Variants in RBFOX1 observed in about 807,000 individuals in gnomAD.
RBFOX1 encodes RNA binding fox-1 homolog 1, also known as RNA binding protein fox-1 homolog 1.
In RBFOX1, 8 loss-of-function variants were observed where a neutral mutation model predicts 57.7. That is an observed-to-expected ratio of 0.14 (90% CI 0.08 to 0.25). The LOEUF is 0.25. Ranked by LOEUF, RBFOX1 falls within the 10% of genes least tolerant of loss-of-function variation. RBFOX1 has a pLI of 1.00. For synonymous variants in RBFOX1, 326 were observed against 222.4 expected, an observed-to-expected ratio of 1.47 and a Z score of -4.15; for missense variants, 611 against 548.5, an observed-to-expected ratio of 1.11 and a Z score of -1.14.
chr16:7,301,287 G>A (rs1426786169), intron 4 of RBFOX1, among the ~76,000 whole-genome samples: 1 of 152,214 alleles, frequency 6.6e-6, no homozygotes, highest in African/African-American at 2.4e-5. Flanking sequence ...ATGGGAAGGG[G>A]ACTTGTCCCT....
At chr16:6,804,236 C>T (rs990728335) in intron 3 of RBFOX1, among the ~76,000 whole-genome samples, 6 of 151,768 alleles carry the variant, frequency 4.0e-5, no homozygotes, top group African/African-American at 1.4e-4. Context: ...ACTCAAACTC[C>T]TGACCTCTTG....
At chr16:5,421,591 G>T (rs73522531) in intron 1 of RBFOX1, among the ~76,000 whole-genome samples, 65 of 152,274 alleles carry the variant, frequency 4.3e-4, no homozygotes, top group African/African-American at 1.5e-3. Flanking sequence ...GGCCCAGGGA[G>T]CCCAAGAAGA....
chr16:7,574,893 G>A (rs900923394), intron 5 of RBFOX1, among the ~76,000 whole-genome samples: 11 of 152,142 alleles, frequency 7.2e-5, no homozygotes, highest in Non-Finnish European at 1.6e-4. Context: ...AGAACTTCGT[G>A]CTGCCTGAAG....
chr16:6,344,326 C>G (rs1047356280), intron 2 of RBFOX1, among the ~76,000 whole-genome samples: 1 of 151,934 alleles, frequency 6.6e-6, no homozygotes, highest in Non-Finnish European at 1.5e-5. Context: ...GCTGCAATTA[C>G]AAGCATGAGC....
At chr16:6,646,141 G>A (rs1362979953) in intron 2 of RBFOX1, among the ~76,000 whole-genome samples, 1 of 152,120 alleles carries the variant, frequency 6.6e-6, no homozygotes, top group Non-Finnish European at 1.5e-5. Context: ...GTGGTCGAGT[G>A]GGGCTGAAGT....
At chr16:6,453,286 C>T (rs1567309996) in intron 2 of RBFOX1, among the ~76,000 whole-genome samples, 4 of 152,152 alleles carry the variant, frequency 2.6e-5, no homozygotes, top group Admixed American at 1.3e-4. Flanking sequence ...TGACAGGCCC[C>T]GGTGTGTGAT....
chr16:7,558,052 A>C (rs1395586), intron 5 of RBFOX1, among the ~76,000 whole-genome samples: 127,056 of 152,154 alleles, frequency 0.84, 54,372 homozygotes, highest in Non-Finnish European at 0.94. Context: ...TTTCTTATTA[A>C]TTTTTAATAT....
intron 3 of RBFOX1, among the ~76,000 whole-genome samples, chr16:5,787,824 G>T (rs2054557367): frequency 6.6e-6 from 1 of 152,180 alleles, no homozygotes; most frequent in African/African-American, 2.4e-5. Context: ...TTGACAAGAG[G>T]TAGCAAACAA....
chr16:6,447,215 A>G (rs555113036), intron 2 of RBFOX1, among the ~76,000 whole-genome samples: 1 of 152,284 alleles, frequency 6.6e-6, no homozygotes, highest in Non-Finnish European at 1.5e-5. Context: ...ATTGTCTAAC[A>G]GATTTCTTGT....
At chr16:5,773,078 A>C (rs781405040) in intron 3 of RBFOX1, among the ~76,000 whole-genome samples, 2 of 152,130 alleles carry the variant, frequency 1.3e-5, no homozygotes, top group African/African-American at 4.8e-5. Flanking sequence ...TTTTGCTTAC[A>C]ATGAGAGATG....
At chr16:7,104,969 G>A (rs1276690907) in intron 4 of RBFOX1, among the ~76,000 whole-genome samples, 2 of 151,330 alleles carry the variant, frequency 1.3e-5, no homozygotes, top group African/African-American at 4.9e-5. Flanking sequence ...TTCTGTGCTT[G>A]TGTGTGTGTC....
intron 3 of RBFOX1, among the ~76,000 whole-genome samples, chr16:6,867,250 C>A (rs918569627): frequency 2.0e-5 from 3 of 151,640 alleles, no homozygotes; most frequent in Admixed American, 2.0e-4. Flanking sequence ...TTTTTTCTTC[C>A]TTTTTTTTCC....
chr16:5,827,437 C>T (rs944828797), intron 3 of RBFOX1, among the ~76,000 whole-genome samples: 3 of 150,850 alleles, frequency 2.0e-5, no homozygotes, highest in African/African-American at 7.3e-5. Context: ...GAAAAAGCTG[C>T]ATTGAACAAC....
Position 6,767,914 on chromosome 16 carries a change from C to CAATAATAATAAT in RBFOX1, c.-16+113288_-16+113299dup, listed in dbSNP as rs71408408. ...GGGCAACAGAGTAAGGACTCTATCTCAATAATAATAATAATAATAATAATA... is the reference window on the plus strand; with the variant it reads ...GGGCAACAGAGTAAGGACTCTATCTCAATAATAATAATAATAATAATAATAATAATAATAATA... On this transcript the variant is annotated intron_variant, in intron 3 of 15. Coordinates refer to ENST00000550418, the MANE Select transcript of RBFOX1 (RefSeq NM_018723.4). Among the ~76,000 whole-genome samples the CAATAATAATAAT allele has an allele frequency of 2.1e-3, 253 of 118,028 alleles. 1 individual carries two copies. Among genetic ancestry groups the CAATAATAATAAT allele is most frequent in the South Asian group, 4.4e-3 (14 of 3,186 alleles). 77.4% of individuals were successfully genotyped at this position (118,028 alleles called of 152,430 possible). A position where few individuals can be genotyped will look rare whatever the true frequency, so the allele number is the denominator to read the frequency against.
chr16:5,578,055 G>C (rs1420536443), intron 2 of RBFOX1, among the ~76,000 whole-genome samples: 1 of 152,186 alleles, frequency 6.6e-6, no homozygotes, highest in Non-Finnish European at 1.5e-5. Flanking sequence ...AGGTTCAAGC[G>C]GTTCTCCTGC....
chr16:6,361,378 CT>C (rs1162080930), intron 2 of RBFOX1, among the ~76,000 whole-genome samples: 2 of 152,040 alleles, frequency 1.3e-5, no homozygotes, highest in Non-Finnish European at 2.9e-5. Context: ...ACCTGTAATC[CT>C]AGCAGTTTGG....
chr16:6,905,820 A>G (rs369497482), intron 3 of RBFOX1, among the ~76,000 whole-genome samples: 1 of 152,216 alleles, frequency 6.6e-6, no homozygotes, highest in African/African-American at 2.4e-5. Context: ...CTGCCTTGGC[A>G]CGGTGGTATT....
At chr16:6,065,483 T>C (rs1329188741) in intron 1 of RBFOX1, among the ~76,000 whole-genome samples, 1 of 152,170 alleles carries the variant, frequency 6.6e-6, no homozygotes. Context: ...AAGCCTCTGA[T>C]ATATCATTGC....
chr16:6,491,579 C>T (rs921283768), intron 2 of RBFOX1, among the ~76,000 whole-genome samples: 4 of 152,076 alleles, frequency 2.6e-5, no homozygotes, highest in South Asian at 2.1e-4. Context: ...CATCATTATC[C>T]TTCTTATTGA....
Sources: gnomAD v4.1 joint callset for allele counts (sites outside exome capture counted in the v4.1 genomes callset) on GRCh38, gnomAD v4.1.1 for gene constraint, MANE v1.5 for transcripts, NCBI Gene and HGNC (gene_info 2026-07-23, HGNC 2026-07-21) for gene names.